The following CNTNAP2 variants were observed in gnomAD, a reference collection of about 807,000 sequenced individuals.
CNTNAP2 encodes contactin associated protein 2, also known as contactin-associated protein-like 2.
Under a neutral mutation model 155.2 loss-of-function variants are expected in CNTNAP2, and 98 were observed. The observed-to-expected ratio is 0.63, with a 90% CI of 0.54 to 0.75. The LOEUF (loss-of-function observed/expected upper bound fraction) is 0.75, where lower values mean the gene tolerates loss of function less well. Among genes scored for constraint, CNTNAP2 ranks in the 30% least tolerant of loss-of-function variants. CNTNAP2 has a pLI of 0.00. For missense variants in CNTNAP2, 1,727 were observed against 1,688.1 expected (o/e 1.02, Z -0.40); for synonymous variants, 651 against 631.2 (o/e 1.03, Z -0.47).
chr7:146,414,476 G>A (rs567653507), intron 1 of CNTNAP2, among the ~76,000 whole-genome samples: 68 of 152,262 alleles, frequency 4.5e-4, no homozygotes, highest in African/African-American at 1.6e-3. Context: ...AGCAGCAGCC[G>A]TCATCTGGAA....
chr7:146,590,212 G>A (rs185377259), intron 1 of CNTNAP2, among the ~76,000 whole-genome samples: 105 of 152,226 alleles, frequency 6.9e-4, no homozygotes, highest in African/African-American at 2.4e-3. Context: ...CAAGGAATGC[G>A]GAATGCTTCC....
intron 9 of CNTNAP2, among the ~76,000 whole-genome samples, chr7:147,302,338 T>G (rs946273652): frequency 6.6e-6 from 1 of 152,192 alleles, no homozygotes; most frequent in African/African-American, 2.4e-5. Flanking sequence ...GGCGAGCACA[T>G]AGCTGTAACC....
chr7:146,582,467 A>G (rs1798625949), intron 1 of CNTNAP2, among the ~76,000 whole-genome samples: 1 of 152,152 alleles, frequency 6.6e-6, no homozygotes, highest in Non-Finnish European at 1.5e-5. Flanking sequence ...AACTGCTGAT[A>G]ATAAGGGACG....
chr7:146,768,566 A>T (rs1228801936), intron 1 of CNTNAP2, among the ~76,000 whole-genome samples: 1 of 151,916 alleles, frequency 6.6e-6, no homozygotes, highest in Non-Finnish European at 1.5e-5. Flanking sequence ...GTAAATGTGC[A>T]GGTATAGGTA....
At chr7:147,087,654 A>T (rs886320712) in intron 4 of CNTNAP2, among the ~76,000 whole-genome samples, 1 of 152,120 alleles carries the variant, frequency 6.6e-6, no homozygotes, top group Admixed American at 6.6e-5. Context: ...GGAGCTCCTA[A>T]CAATGGTTGC....
At chr7:147,311,530 A>G (rs1343280686) in intron 9 of CNTNAP2, among the ~76,000 whole-genome samples, 2 of 152,172 alleles carry the variant, frequency 1.3e-5, no homozygotes, top group African/African-American at 4.8e-5. Context: ...GCTGGTAAGC[A>G]TCTGTGGACC....
At chr7:146,717,350 A>G (rs1186270417) in intron 1 of CNTNAP2, among the ~76,000 whole-genome samples, 1 of 85,436 alleles carries the variant, frequency 1.2e-5, no homozygotes, top group Non-Finnish European at 1.9e-5. Flanking sequence ...TAAAAAATTA[A>G]AAAAAAAAAA....
chr7:146,857,223 G>C (rs1585124918), intron 3 of CNTNAP2, among the ~76,000 whole-genome samples: 1 of 152,026 alleles, frequency 6.6e-6, no homozygotes. Context: ...GAGGGAGAGA[G>C]AGAGAGAGAG....
chr7:146,426,121 G>A (rs1338185419), intron 1 of CNTNAP2, among the ~76,000 whole-genome samples: 1 of 142,342 alleles, frequency 7.0e-6, no homozygotes, highest in Non-Finnish European at 1.5e-5. Context: ...GGGAGGCGGA[G>A]GCTGCAGCGA....
At chr7:147,674,076 G>A (rs976398821) in intron 13 of CNTNAP2, among the ~76,000 whole-genome samples, 1 of 151,950 alleles carries the variant, frequency 6.6e-6, no homozygotes, top group East Asian at 1.9e-4. Flanking sequence ...TGACCGTGAC[G>A]ATTTACTTTT....
intron 4 of CNTNAP2, among the ~76,000 whole-genome samples, chr7:147,064,021 T>A (rs1226118106): frequency 1.3e-5 from 2 of 152,070 alleles, no homozygotes; most frequent in African/African-American, 4.8e-5. Context: ...GGACAACTCA[T>A]CGAAATCAAT....
At chr7:146,271,222 C>T (rs948459668) in intron 1 of CNTNAP2, among the ~76,000 whole-genome samples, 6 of 151,872 alleles carry the variant, frequency 4.0e-5, no homozygotes, top group South Asian at 2.1e-4. Context: ...TATCATCAAA[C>T]CTTAACCCCT....
At chr7:146,455,920 T>C (rs1431194652) in intron 1 of CNTNAP2, among the ~76,000 whole-genome samples, 3 of 152,174 alleles carry the variant, frequency 2.0e-5, no homozygotes, top group African/African-American at 7.2e-5. Flanking sequence ...ACATGAAATA[T>C]ATAAAACACA....
At chr7:147,207,397 CATT>C (rs1364458651) in intron 8 of CNTNAP2, among the ~76,000 whole-genome samples, 3 of 152,018 alleles carry the variant, frequency 2.0e-5, no homozygotes, top group Non-Finnish European at 4.4e-5. Flanking sequence ...AATCATGTAT[CATT>C]ATGTTTTAAT....
intron 4 of CNTNAP2, among the ~76,000 whole-genome samples, chr7:147,071,325 CA>C (rs57444105): frequency 0.031 from 4,070 of 132,488 alleles, 69 homozygotes; most frequent in East Asian, 0.071. Context: ...GATTATCCTG[CA>C]AAAAAAAAAA....
rs532815692 is a variant in CNTNAP2 at position 146,900,326 on chromosome 7, C to T, written c.402+60422C>T. Among the ~76,000 whole-genome samples, 6 of 152,242 alleles carry T rather than the reference C, an allele frequency of 3.9e-5. No individual in the cohort carries two copies. The East Asian group carries it at 5.8e-4, about 15-fold the overall frequency. Reference sequence around the variant, plus strand: ...TTCTGTTTTAGTTTAAGCCTTATTACGATCCAACTCAAATTACTCGAATAA... The same window carrying T: ...TTCTGTTTTAGTTTAAGCCTTATTATGATCCAACTCAAATTACTCGAATAA... On this transcript the variant is annotated intron_variant, in intron 3 of 23. Coordinates refer to ENST00000361727, the MANE Select transcript of CNTNAP2 (RefSeq NM_014141.6).
At chr7:147,901,181 C>G (rs1485646028) in intron 13 of CNTNAP2, among the ~76,000 whole-genome samples, 2 of 152,138 alleles carry the variant, frequency 1.3e-5, no homozygotes, top group African/African-American at 4.8e-5. Flanking sequence ...TCCATTTCTA[C>G]TACTATTTTA....
chr7:146,852,805 GAGA>G (rs989288970), intron 3 of CNTNAP2, among the ~76,000 whole-genome samples: 1 of 152,148 alleles, frequency 6.6e-6, no homozygotes, highest in African/African-American at 2.4e-5. Flanking sequence ...GTATTCTTCA[GAGA>G]AGGTTAAGAA....
chr7:147,218,404 T>C (rs1234714157), intron 8 of CNTNAP2, among the ~76,000 whole-genome samples: 1 of 151,946 alleles, frequency 6.6e-6, no homozygotes, highest in Non-Finnish European at 1.5e-5. Context: ...ATGTGTTATT[T>C]AGAAGTGTGT....
Sources: gnomAD v4.1 joint callset for allele counts (sites outside exome capture counted in the v4.1 genomes callset) on GRCh38, gnomAD v4.1.1 for gene constraint, MANE v1.5 for transcripts, NCBI Gene and HGNC (gene_info 2026-07-23, HGNC 2026-07-21) for gene names.